The following FNDC3B variants were observed in gnomAD, a reference collection of about 807,000 sequenced individuals.
FNDC3B encodes the protein fibronectin type III domain containing 3B, also known as fibronectin type III domain-containing protein 3B.
In FNDC3B, 12 loss-of-function variants were observed where a neutral mutation model predicts 151.5. The ratio of observed to expected loss-of-function variants is 0.08; its 90% CI spans 0.05 to 0.13. The LOEUF is 0.13. FNDC3B is among the 10% of genes least tolerant of loss of function. The probability of loss-of-function intolerance (pLI) is 1.00; values close to 1 mark genes in which losing one functional copy is unlikely to be tolerated. For missense variants in FNDC3B, 1,214 were observed against 1,505.3 expected (o/e 0.81, Z 3.20); for synonymous variants, 528 against 549.0 (o/e 0.96, Z 0.54).
chr3:172,326,722 G>T (rs73167276), intron 11 of FNDC3B, among the ~76,000 whole-genome samples: 19,990 of 151,974 alleles, frequency 0.13, 1,650 homozygotes, highest in South Asian at 0.29. Flanking sequence ...TCTCCCCTTC[G>T]AACCCTCCCC....
chr3:172,162,659 G>GTT (rs35538458), intron 3 of FNDC3B, among the ~76,000 whole-genome samples: 65 of 135,086 alleles, frequency 4.8e-4, no homozygotes, highest in African/African-American at 1.6e-3. Context: ...TTATTACCTG[G>GTT]TTTTTTTTTT....
At chr3:172,171,912 A>G (rs1438595525) in intron 3 of FNDC3B, among the ~76,000 whole-genome samples, 1 of 152,196 alleles carries the variant, frequency 6.6e-6, no homozygotes, top group Admixed American at 6.5e-5. Flanking sequence ...GGAAGCCAGC[A>G]TGAGAGGTGG....
chr3:172,078,219 A>G (rs1718114395), intron 1 of FNDC3B, among the ~76,000 whole-genome samples: 1 of 152,196 alleles, frequency 6.6e-6, no homozygotes, highest in South Asian at 2.1e-4. Flanking sequence ...ACCTCAGGTG[A>G]TCCGCTTGCC....
intron 3 of FNDC3B, among the ~76,000 whole-genome samples, chr3:172,193,121 C>CCTCT (rs1293822720): frequency 2.4e-5 from 3 of 127,414 alleles, no homozygotes; most frequent in Admixed American, 1.6e-4. Flanking sequence ...TCCCTCCCTC[C>CCTCT]CTCCCTCCCT....
chr3:172,315,939 G>A (rs1179202586), intron 11 of FNDC3B, among the ~76,000 whole-genome samples: 1 of 150,874 alleles, frequency 6.6e-6, no homozygotes, highest in African/African-American at 2.4e-5. Context: ...CATCTTTTTT[G>A]GGCACCCTTC....
At chr3:172,367,992 G>A (rs1222901291) in intron 23 of FNDC3B, among the ~76,000 whole-genome samples, 3 of 152,140 alleles carry the variant, frequency 2.0e-5, no homozygotes, top group Non-Finnish European at 4.4e-5. Context: ...CCTGCCTGTT[G>A]GCTATTAGAG....
intron 5 of FNDC3B, among the ~76,000 whole-genome samples, chr3:172,249,181 A>G (rs1238684397): frequency 6.6e-6 from 1 of 152,174 alleles, no homozygotes; most frequent in East Asian, 1.9e-4. Flanking sequence ...TTCTGGCTGT[A>G]TCTGAGCTCT....
At chr3:172,121,052 G>A (rs925534699) in intron 2 of FNDC3B, among the ~76,000 whole-genome samples, 1 of 152,170 alleles carries the variant, frequency 6.6e-6, no homozygotes, top group Non-Finnish European at 1.5e-5. Flanking sequence ...AGAAGTTGCA[G>A]CCATTTGCTG....
intron 11 of FNDC3B, among the ~76,000 whole-genome samples, chr3:172,319,992 G>A (rs1200679514): frequency 6.6e-6 from 1 of 152,144 alleles, no homozygotes; most frequent in East Asian, 1.9e-4. Context: ...ACAAGCACGT[G>A]ACAACTGATA....
At chr3:172,362,528 T>C in intron 22 of FNDC3B, 105 bp from the exon 23 acceptor site, 1 of 866,990 alleles carries the variant, frequency 1.2e-6, no homozygotes, top group East Asian at 2.5e-5. Flanking sequence ...TCTATGTTAT[T>C]GCTTTAGGGA....
At chr3:172,227,028 A>G (rs922008261) in intron 4 of FNDC3B, 81 bp downstream of exon 4, 1 of 985,738 alleles carries the variant, frequency 1.0e-6, no homozygotes, top group East Asian at 2.4e-5. Flanking sequence ...CTTCAAAGCC[A>G]TATTCCAGGA....
intron 3 of FNDC3B, among the ~76,000 whole-genome samples, chr3:172,162,983 T>C (rs1453916988): frequency 2.0e-5 from 3 of 152,202 alleles, no homozygotes; most frequent in African/African-American, 7.2e-5. Flanking sequence ...GTATAAGGAA[T>C]AATTAATAGC....
chr3:172,307,108 T>A, intron 9 of FNDC3B: 1 of 432,934 alleles, frequency 2.3e-6, no homozygotes, highest in Non-Finnish European at 4.2e-6. Context: ...GAATAATCTC[T>A]TCTAGTCAGT....
chr3:172,209,107 A>G (rs1485679742), intron 3 of FNDC3B, among the ~76,000 whole-genome samples: 1 of 146,940 alleles, frequency 6.8e-6, no homozygotes, highest in Non-Finnish European at 1.5e-5. Flanking sequence ...CTCATTGCCT[A>G]CAGTGCGCAG....
intron 2 of FNDC3B, among the ~76,000 whole-genome samples, chr3:172,117,881 G>T (rs1056880164): frequency 2.6e-5 from 4 of 152,162 alleles, no homozygotes; most frequent in Non-Finnish European, 5.9e-5. Context: ...TCTTCAGAAA[G>T]TAGAACTCCT....
chr3:172,344,179 C>T lies in FNDC3B; in HGVS notation c.2171C>T (p.Pro724Leu), dbSNP rs751773331. Residue 724 changes from proline (P) to leucine (L), a missense_variant, in exon 19 of 26, where the codon CCA becomes CTA. By Grantham distance (98) the Pro-to-Leu change is moderately conservative. Around this residue, in one of 7 missense-constraint regions of FNDC3B, gnomAD observed 380 missense variants for 420.9 expected, o/e 0.90. Transcript: ENST00000415807. Reference sequence around the variant, plus strand: ...GTAGCCTCGGAAGTGTACCATGGCCCAGAGCTGGAGTGCACCGTCGGCAAC... The same window carrying T: ...GTAGCCTCGGAAGTGTACCATGGCCTAGAGCTGGAGTGCACCGTCGGCAAC... ...EDVASEVYHG[P>L]ELECTVGNLL... is the part of the protein sequence containing the mutation. 6.2e-6 allele frequency: 10 copies of T among 1,614,174 alleles called. No individual in the cohort carries two copies. The highest frequency in any genetic ancestry group is 8.5e-6 in the Non-Finnish European group (10 of 1,180,018).
chr3:172,312,947 C>G (rs1247540102), intron 11 of FNDC3B, among the ~76,000 whole-genome samples: 1 of 152,214 alleles, frequency 6.6e-6, no homozygotes, highest in Non-Finnish European at 1.5e-5. Context: ...TTATGTTCAG[C>G]ATGGTCCATT....
intron 19 of FNDC3B, chr3:172,345,822 T>C (rs1218288459): frequency 6.6e-6 from 1 of 152,224 alleles, no homozygotes. Flanking sequence ...CTTGAATAGG[T>C]GAGGTGATGG....
At chr3:172,222,565 G>A (rs182909527) in intron 3 of FNDC3B, among the ~76,000 whole-genome samples, 48 of 152,262 alleles carry the variant, frequency 3.2e-4, no homozygotes, top group Admixed American at 2.8e-3. Context: ...GGGTGAGGGG[G>A]GCTGTTTCAG....
Sources: allele counts gnomAD v4.1 joint callset (sites outside exome capture counted in the v4.1 genomes callset), GRCh38; gene constraint gnomAD v4.1.1; regional missense constraint gnomAD v4.1.1; transcripts MANE v1.5; gene names NCBI Gene and HGNC (gene_info 2026-07-23, HGNC 2026-07-21).